MAF: variants seen among roughly 807,000 people sequenced by gnomAD.
MAF encodes the protein MAF bZIP transcription factor.
MAF carries 10 observed loss-of-function variants against 22.0 expected under a neutral mutation model. The observed-to-expected ratio is 0.45, with a 90% CI of 0.28 to 0.77. The LOEUF (loss-of-function observed/expected upper bound fraction) is 0.77. Ranked by LOEUF, MAF falls within the 30% of genes least tolerant of loss-of-function variation. The pLI, the probability that MAF is intolerant of heterozygous loss-of-function variation, is 0.12. For synonymous variants in MAF, 337 were observed against 255.8 expected (o/e 1.32, Z -3.03); for missense variants, 544 against 548.4 (o/e 0.99, Z 0.08).
chr16:79,440,993 T>C, the MAF span, among the ~76,000 whole-genome samples: 3 of 152,216 alleles, frequency 2.0e-5, no homozygotes, highest in Admixed American at 2.0e-4. Context: ...GGAGTCGTAA[T>C]GTCCTATCAC....
the MAF span, among the ~76,000 whole-genome samples, chr16:79,351,774 G>A: frequency 3.9e-5 from 6 of 152,012 alleles, no homozygotes; most frequent in African/African-American, 7.3e-5. Flanking sequence ...GACAAGTGTC[G>A]GGCAGAAGCC....
the MAF span, among the ~76,000 whole-genome samples, chr16:79,513,897 G>T: frequency 1.3e-5 from 2 of 152,096 alleles, no homozygotes; most frequent in African/African-American, 2.4e-5. Context: ...AGTCTTTTCG[G>T]CACTGAATAT....
chr16:79,418,822 G>C, the MAF span, among the ~76,000 whole-genome samples: 3 of 152,216 alleles, frequency 2.0e-5, no homozygotes, highest in East Asian at 5.8e-4. Flanking sequence ...AGAGATGCAG[G>C]CTCCTCACCG....
At chr16:79,337,304 G>A in the MAF span, among the ~76,000 whole-genome samples, 6 of 152,158 alleles carry the variant, frequency 3.9e-5, no homozygotes, top group Non-Finnish European at 8.8e-5. Flanking sequence ...AGGCATGGTG[G>A]CTCACACCTG....
chr16:79,260,703 G>A, the MAF span, among the ~76,000 whole-genome samples: 7 of 152,270 alleles, frequency 4.6e-5, no homozygotes, highest in East Asian at 1.3e-3. Context: ...GTGCCTGATA[G>A]TCTTAGGTGT....
the MAF span, among the ~76,000 whole-genome samples, chr16:79,269,064 T>C: frequency 3.9e-5 from 6 of 152,214 alleles, no homozygotes; most frequent in Non-Finnish European, 5.9e-5. Context: ...CAAATCTTTA[T>C]GGAAAGCAGC....
At chr16:79,589,443 C>T (rs1472632359), downstream of MAF, among the ~76,000 whole-genome samples, 1 of 152,120 alleles carries the variant, frequency 6.6e-6, no homozygotes, top group Non-Finnish European at 1.5e-5. Context: ...TTCCCGCTTG[C>T]CTTTCTCTTT....
chr16:79,346,637 G>C, the MAF span, among the ~76,000 whole-genome samples: 1 of 146,298 alleles, frequency 6.8e-6, no homozygotes, highest in Non-Finnish European at 1.5e-5. Flanking sequence ...TGAGGTGAAA[G>C]TAAGTGTTGT....
chr16:79,421,871 A>G, the MAF span, among the ~76,000 whole-genome samples: 3 of 152,094 alleles, frequency 2.0e-5, no homozygotes, highest in South Asian at 2.1e-4. Context: ...CCCGCCTCCC[A>G]GGTTCCAGCC....
chr16:79,512,040 A>G, the MAF span, among the ~76,000 whole-genome samples: 1 of 152,156 alleles, frequency 6.6e-6, no homozygotes, highest in Non-Finnish European at 1.5e-5. Flanking sequence ...TTCTTCTCCA[A>G]TATTCCTTGT....
chr16:79,432,870 C>T, the MAF span, among the ~76,000 whole-genome samples: 1 of 152,210 alleles, frequency 6.6e-6, no homozygotes, highest in African/African-American at 2.4e-5. Flanking sequence ...ACAGACTCTC[C>T]TTCATGCCCC....
At chr16:79,376,741 T>A in the MAF span, among the ~76,000 whole-genome samples, 12 of 152,206 alleles carry the variant, frequency 7.9e-5, no homozygotes, top group African/African-American at 2.9e-4. Flanking sequence ...TGTGTTATTG[T>A]TCAATTCCCA....
In MAF at chr16:79,600,114, C is replaced by A. The variant is rs914821281; in HGVS notation, c.-212G>T. The A allele has an allele frequency of 3.5e-6, 2 of 572,776 alleles. No homozygotes were observed. Among genetic ancestry groups the A allele is most frequent in the Non-Finnish European group, 5.9e-6 (2 of 339,056 alleles). 35.5% of individuals were successfully genotyped at this position (572,776 alleles called of 1,614,324 possible). A position where few individuals can be genotyped will look rare whatever the true frequency, so the allele number is the denominator to read the frequency against. On this transcript the variant is annotated 5_prime_UTR_variant, in exon 1 of 2. Transcript: ENST00000326043. ...GCGCCCCCCGCGCCCGCCCTCCCTC[C>A]CCCCTGCTCACGCCAATGTGCTCCC... is the stretch of plus-strand genomic sequence containing the variant.
At chr16:79,325,504 G>A in the MAF span, among the ~76,000 whole-genome samples, 1 of 151,970 alleles carries the variant, frequency 6.6e-6, no homozygotes, top group Non-Finnish European at 1.5e-5. Flanking sequence ...GTGGAAAGCA[G>A]GATTTGAATG....
At chr16:79,454,096 C>G in the MAF span, among the ~76,000 whole-genome samples, 18,957 of 151,992 alleles carry the variant, frequency 0.12, 1,496 homozygotes, top group East Asian at 0.2. Flanking sequence ...TTATAGGAAC[C>G]CTGAGATTTC....
the MAF span, among the ~76,000 whole-genome samples, chr16:79,320,329 G>T: frequency 1.3e-5 from 2 of 152,310 alleles, no homozygotes; most frequent in African/African-American, 4.8e-5. Flanking sequence ...ATCCACCAGA[G>T]AAGATACGGG....
chr16:79,558,078 C>T, the MAF span, among the ~76,000 whole-genome samples: 3 of 150,756 alleles, frequency 2.0e-5, no homozygotes, highest in African/African-American at 7.5e-5. Flanking sequence ...AAACTGATCA[C>T]TGAATTGAGC....
the MAF span, among the ~76,000 whole-genome samples, chr16:79,210,572 C>T: frequency 1.3e-5 from 2 of 152,134 alleles, no homozygotes; most frequent in Non-Finnish European, 2.9e-5. Flanking sequence ...AACCCCTCTC[C>T]CTCTCATCAG....
At chr16:79,511,311 T>G in the MAF span, among the ~76,000 whole-genome samples, 1 of 152,144 alleles carries the variant, frequency 6.6e-6, no homozygotes, top group Admixed American at 6.5e-5. Flanking sequence ...GCCAAGAGAA[T>G]GTATTTTTTA....
Sources: gnomAD v4.1 joint callset for allele counts (sites outside exome capture counted in the v4.1 genomes callset) on GRCh38, gnomAD v4.1.1 for gene constraint, MANE v1.5 for transcripts, NCBI Gene and HGNC (gene_info 2026-07-23, HGNC 2026-07-21) for gene names.